Variants in CAMTA1 observed in about 807,000 individuals in gnomAD.
The protein encoded by CAMTA1 is calmodulin binding transcription activator 1, also known as calmodulin-binding transcription activator 1.
A neutral mutation model predicts 170.9 loss-of-function variants in CAMTA1; 27 were observed. That is an observed-to-expected ratio of 0.16 (90% CI 0.12 to 0.22). The LOEUF is 0.22. Ranked by LOEUF, CAMTA1 falls within the 10% of genes least tolerant of loss-of-function variation. CAMTA1 has a pLI of 1.00. For synonymous variants in CAMTA1, 833 were observed against 891.5 expected (o/e 0.93, Z 1.17); for missense variants, 1,619 against 2,217.2 (o/e 0.73, Z 5.42).
chr1:6,846,362 AC>A (rs1394088510), intron 3 of CAMTA1, among the ~76,000 whole-genome samples: 1 of 152,214 alleles, frequency 6.6e-6, no homozygotes, highest in Non-Finnish European at 1.5e-5. Context: ...CTCTCCATTT[AC>A]GTGGAGCCAC....
chr1:6,848,292 G>C (rs560211547), intron 3 of CAMTA1, among the ~76,000 whole-genome samples: 1 of 152,230 alleles, frequency 6.6e-6, no homozygotes, highest in East Asian at 1.9e-4. Context: ...GAGACCACAG[G>C]GGTGCACCAC....
Position 7,630,840 on chromosome 1 carries a change from C to T in CAMTA1, c.511-9560C>T, listed in dbSNP as rs76030348. Among the ~76,000 whole-genome samples, 104 of 152,344 alleles carry T rather than the reference C, an allele frequency of 6.8e-4. 1 individual carries two copies. Among genetic ancestry groups the T allele is most frequent in the African/African-American group, 2.5e-3 (102 of 41,580 alleles). ...GTTCTGTGTGCCTGCCACACTCGGC[C>T]GCAGTGGGAGATCCCTGGGCCCAGC... On this transcript the variant is annotated intron_variant, in intron 6 of 22. Coordinates refer to ENST00000303635, the MANE Select transcript of CAMTA1 (RefSeq NM_015215.4).
chr1:7,132,752 T>C lies in CAMTA1; in HGVS notation c.302+41381T>C, dbSNP rs552300842. Among the ~76,000 whole-genome samples the C allele has an allele frequency of 5.6e-4, 86 of 152,304 alleles. No homozygotes were observed. The South Asian group carries it at 0.017, about 30-fold the overall frequency. On this transcript the variant is annotated intron_variant, in intron 4 of 22. Coordinates refer to ENST00000303635, the MANE Select transcript of CAMTA1 (RefSeq NM_015215.4). ...TATTATCAAAACCAGGAAATTGACATTGGCACAATACTATCAGCTAGACTA... is the reference window on the plus strand; with the variant it reads ...TATTATCAAAACCAGGAAATTGACACTGGCACAATACTATCAGCTAGACTA...
chr1:7,586,687 C>T (rs1460616330), intron 6 of CAMTA1, among the ~76,000 whole-genome samples: 3 of 152,158 alleles, frequency 2.0e-5, no homozygotes, highest in Non-Finnish European at 4.4e-5. Flanking sequence ...CCAGCCGACA[C>T]GGTCTCCTCC....
intron 5 of CAMTA1, among the ~76,000 whole-genome samples, chr1:7,383,780 GGAGGAT>G (rs2087621620): frequency 6.6e-6 from 1 of 152,066 alleles, no homozygotes; most frequent in South Asian, 2.1e-4. Context: ...ATGATGAGGA[GGAGGAT>G]GAGGATGATG....
At chr1:7,147,946 GCA>G (rs904139512) in intron 4 of CAMTA1, among the ~76,000 whole-genome samples, 5 of 138,488 alleles carry the variant, frequency 3.6e-5, no homozygotes, top group African/African-American at 5.5e-5. Context: ...CATATACCAT[GCA>G]CACACACACT....
At position 7,766,599 on chromosome 1, in the gene CAMTA1, A is replaced by G. The variant is rs549835001; in HGVS notation, c.*108A>G. On this transcript the variant is annotated 3_prime_UTR_variant, in exon 23 of 23. Transcript: ENST00000303635. ...ACAACACACACGCACACACGCACACACACACACGTACACACACATACAAAA... is the reference window on the plus strand; with the variant it reads ...ACAACACACACGCACACACGCACACGCACACACGTACACACACATACAAAA... 49 of 837,922 alleles carry G rather than the reference A, an allele frequency of 5.8e-5. No homozygotes were observed. Among genetic ancestry groups the G allele is most frequent in the East Asian group, 1.0e-4 (4 of 39,368 alleles). The allele number at this position is 837,922 out of a possible 1,614,324, so 51.9% of individuals were successfully genotyped here.
intron 4 of CAMTA1, among the ~76,000 whole-genome samples, chr1:7,117,350 A>C (rs1644394989): frequency 6.6e-6 from 1 of 152,144 alleles, no homozygotes; most frequent in Admixed American, 6.5e-5. Context: ...CCAGCACAGC[A>C]CGTTTGGGGA....
In CAMTA1 at chr1:7,659,801, C is replaced by A. The variant is rs114534786; in HGVS notation, c.665-1925C>A. On this transcript the variant is annotated intron_variant, in intron 7 of 22. Transcript: ENST00000303635. ...ACCATCATCACTAGTGATGTTATGA[C>A]AACAGCTACCCTTTTTTTGGGTATG... Among the ~76,000 whole-genome samples, 1,133 of 152,340 alleles carry A rather than the reference C, an allele frequency of 7.4e-3. 16 individuals carry two copies. The highest frequency in any genetic ancestry group is 0.026 in the African/African-American group (1,078 of 41,576).
At chr1:6,915,744 A>T (rs969776169) in intron 3 of CAMTA1, among the ~76,000 whole-genome samples, 15 of 152,150 alleles carry the variant, frequency 9.9e-5, no homozygotes, top group African/African-American at 3.4e-4. Context: ...GGTGAGGAAG[A>T]TGGAGTCAGT....
At chr1:7,368,422 A>C (rs926179729) in intron 5 of CAMTA1, among the ~76,000 whole-genome samples, 7 of 147,114 alleles carry the variant, frequency 4.8e-5, no homozygotes, top group East Asian at 2.1e-4. Flanking sequence ...GGGCGCAGGC[A>C]CTGGGCACTC....
intron 3 of CAMTA1, among the ~76,000 whole-genome samples, chr1:6,836,615 A>G (rs749102857): frequency 5.3e-5 from 8 of 152,096 alleles, no homozygotes; most frequent in East Asian, 1.9e-4. Flanking sequence ...ATGTGCGCGT[A>G]TGTGCATGCA....
intron 5 of CAMTA1, among the ~76,000 whole-genome samples, chr1:7,301,487 C>T (rs1038818101): frequency 2.6e-5 from 4 of 152,130 alleles, no homozygotes; most frequent in East Asian, 1.9e-4. Context: ...GGGCTTTGCC[C>T]GTGGGGCCCG....
At chr1:6,801,720 T>C (rs749192627) in intron 1 of CAMTA1, among the ~76,000 whole-genome samples, 1 of 151,712 alleles carries the variant, frequency 6.6e-6, no homozygotes, top group Non-Finnish European at 1.5e-5. Context: ...ATGAGAAAAC[T>C]AGTTATAATG....
At chr1:6,989,359 G>A (rs1339358123) in intron 3 of CAMTA1, among the ~76,000 whole-genome samples, 5 of 152,194 alleles carry the variant, frequency 3.3e-5, no homozygotes, top group African/African-American at 4.8e-5. Flanking sequence ...TTGAGAAAGC[G>A]ATTTACATGC....
intron 3 of CAMTA1, among the ~76,000 whole-genome samples, chr1:6,963,271 G>GCCCC (rs34560730): frequency 5.0e-5 from 1 of 20,024 alleles, no homozygotes; most frequent in Non-Finnish European, 1.1e-4. Context: ...CACCCACCTG[G>GCCCC]CCCCCCCCCC....
At chr1:7,718,511 A>G (rs2096627670) in intron 11 of CAMTA1, among the ~76,000 whole-genome samples, 1 of 150,404 alleles carries the variant, frequency 6.6e-6, no homozygotes, top group Admixed American at 6.6e-5. Flanking sequence ...CTTCATGTCC[A>G]GGTTAGATCA....
intron 10 of CAMTA1, chr1:7,672,080 A>G (rs749954675): frequency 2.2e-6 from 1 of 455,984 alleles, no homozygotes; most frequent in South Asian, 1.5e-5. Context: ...CTGTCCAGTG[A>G]GCCCTGACCA....
chr1:7,022,635 T>C (rs1438582154), intron 3 of CAMTA1, among the ~76,000 whole-genome samples: 3 of 152,216 alleles, frequency 2.0e-5, no homozygotes. Flanking sequence ...CACCTCCATC[T>C]GATTGCAGGG....
Sources: gnomAD v4.1 joint callset for allele counts (sites outside exome capture counted in the v4.1 genomes callset) on GRCh38, gnomAD v4.1.1 for gene constraint, MANE v1.5 for transcripts, NCBI Gene and HGNC (gene_info 2026-07-23, HGNC 2026-07-21) for gene names.